OXR1: variants seen among roughly 807,000 people sequenced by gnomAD.
The protein encoded by OXR1 is oxidation resistance protein 1.
Under a neutral mutation model 104.6 loss-of-function variants are expected in OXR1, and 41 were observed. The ratio of observed to expected loss-of-function variants is 0.39; its 90% CI spans 0.31 to 0.51. The LOEUF (loss-of-function observed/expected upper bound fraction) is 0.51, where lower values mean the gene tolerates loss of function less well. OXR1 is among the 20% of genes least tolerant of loss of function. The pLI, the probability that OXR1 is intolerant of heterozygous loss-of-function variation, is 0.77. For synonymous variants in OXR1, 348 were observed against 348.4 expected (o/e 1.00, Z 0.01); for missense variants, 955 against 1,031.9 (o/e 0.93, Z 1.02).
rs928811539 is a variant in OXR1 at position 106,703,190 on chromosome 8, C to G, written c.860+100C>G. 9.8e-6 allele frequency: 7 copies of G among 711,312 alleles called. No individual in the cohort carries two copies. In the East Asian group the frequency reaches 1.6e-4, roughly 16 times the overall value. 44.1% of individuals were successfully genotyped at this position (711,312 alleles called of 1,614,324 possible). A position where few individuals can be genotyped will look rare whatever the true frequency, so the allele number is the denominator to read the frequency against. ...TTTTTACTAGTTTTCTTATAGCTGC[C>G]TTTTATTTTGTCAATAATGAAACGA... On this transcript the variant is annotated intron_variant, in intron 8 of 16. Coordinates refer to ENST00000517566, the MANE Select transcript of OXR1 (RefSeq NM_001198533.2).
intron 2 of OXR1, among the ~76,000 whole-genome samples, chr8:106,464,566 C>T (rs1821077667): frequency 6.6e-6 from 1 of 151,808 alleles, no homozygotes; most frequent in Admixed American, 6.6e-5. Context: ...TTCGACGTGA[C>T]AAATGTCAGC....
intron 1 of OXR1, among the ~76,000 whole-genome samples, chr8:106,276,698 G>T (rs1159783501): frequency 1.5e-5 from 2 of 134,762 alleles, no homozygotes; most frequent in African/African-American, 5.6e-5. Flanking sequence ...AAATGCTCAA[G>T]AACCGATATT....
chr8:106,321,167 G>A (rs571797411), intron 1 of OXR1, among the ~76,000 whole-genome samples: 9 of 152,296 alleles, frequency 5.9e-5, no homozygotes, highest in African/African-American at 1.9e-4. Context: ...TAGGTAATAT[G>A]AAAAGTAATT....
intron 2 of OXR1, among the ~76,000 whole-genome samples, chr8:106,471,697 A>G (rs1821500475): frequency 1.3e-5 from 2 of 151,830 alleles, no homozygotes; most frequent in Admixed American, 6.6e-5. Context: ...TAAAGTAATA[A>G]GAGATTTTTT....
At chr8:106,743,893 T>A (rs1470146153) in intron 15 of OXR1, among the ~76,000 whole-genome samples, 2 of 152,182 alleles carry the variant, frequency 1.3e-5, no homozygotes, top group African/African-American at 2.4e-5. Flanking sequence ...ATGTGGTACA[T>A]ATACACCATG....
At chr8:106,296,111 T>A (rs1586486711) in intron 1 of OXR1, among the ~76,000 whole-genome samples, 1 of 152,306 alleles carries the variant, frequency 6.6e-6, no homozygotes, top group East Asian at 1.9e-4. Flanking sequence ...GCCAGTGTTG[T>A]TTGAAGTCTC....
At chr8:106,380,043 T>C (rs1041943041) in intron 2 of OXR1, among the ~76,000 whole-genome samples, 1 of 152,134 alleles carries the variant, frequency 6.6e-6, no homozygotes, top group African/African-American at 2.4e-5. Context: ...AATTTTAAAA[T>C]ATTTTCATCA....
intron 2 of OXR1, chr8:106,447,983 T>G: frequency 6.5e-7 from 1 of 1,534,410 alleles, no homozygotes; most frequent in Non-Finnish European, 8.7e-7. Flanking sequence ...CCGCCCCGGC[T>G]CCCACACAGC....
At chr8:106,701,974 T>C (rs909620545) in intron 7 of OXR1, among the ~76,000 whole-genome samples, 10 of 152,192 alleles carry the variant, frequency 6.6e-5, no homozygotes, top group Non-Finnish European at 1.5e-4. Context: ...TTTATTTATT[T>C]GTTTTATTTT....
intron 3 of OXR1, among the ~76,000 whole-genome samples, chr8:106,566,137 A>G (rs1817054772): frequency 6.6e-6 from 1 of 152,230 alleles, no homozygotes; most frequent in Non-Finnish European, 1.5e-5. Flanking sequence ...ATCTAATTAA[A>G]CTAAAGAGCT....
intron 3 of OXR1, among the ~76,000 whole-genome samples, chr8:106,604,464 T>C (rs2130768087): frequency 6.6e-6 from 1 of 152,320 alleles, no homozygotes; most frequent in East Asian, 1.9e-4. Flanking sequence ...GTATTATTGA[T>C]ATCCTCCAAA....
Position 106,684,324 on chromosome 8 carries a change from C to G in OXR1, c.490C>G (p.Pro164Ala), listed in dbSNP as rs1828478303. 6.2e-7 allele frequency: 1 copy of G among 1,602,064 alleles called. No individual in the cohort carries two copies. The highest frequency in any genetic ancestry group is 8.6e-7 in the Non-Finnish European group (1 of 1,169,190). The change falls in exon 6 of 17, where the codon CCA becomes GCA. Residue 164 changes from proline (P) to alanine (A), a missense_variant. By Grantham distance (27) the Pro-to-Ala change is conservative. Coordinates refer to ENST00000517566, the MANE Select transcript of OXR1 (RefSeq NM_001198533.2). ...TCTAAGCCCCGTAAGTCCTCTGTCA[C>G]CAACATCATCTGAGGCTGAATTTGA... ...PSLSPVSPLS[P>A]TSSEAEFDKT...
At chr8:106,645,210 T>TG (rs1173326535) in intron 3 of OXR1, among the ~76,000 whole-genome samples, 4 of 152,202 alleles carry the variant, frequency 2.6e-5, no homozygotes, top group Non-Finnish European at 5.9e-5. Flanking sequence ...TTGATGTCTC[T>TG]GTATATTTAA....
chr8:106,451,741 T>C (rs1189722727), intron 2 of OXR1, among the ~76,000 whole-genome samples: 1 of 152,256 alleles, frequency 6.6e-6, no homozygotes, highest in South Asian at 2.1e-4. Flanking sequence ...GTATTCTGCA[T>C]ATATTTCCAA....
At chr8:106,555,825 AACAG>A (rs1157523246) in intron 3 of OXR1, among the ~76,000 whole-genome samples, 5 of 150,896 alleles carry the variant, frequency 3.3e-5, no homozygotes, top group South Asian at 2.1e-4. Context: ...TAAACAGATG[AACAG>A]ACAAATTATA....
chr8:106,432,364 G>C (rs946166863), intron 2 of OXR1, among the ~76,000 whole-genome samples: 1 of 152,120 alleles, frequency 6.6e-6, no homozygotes, highest in Non-Finnish European at 1.5e-5. Flanking sequence ...TCAAGGCCCT[G>C]TTTCATCCAA....
At chr8:106,374,821 G>A (rs1018873440) in intron 2 of OXR1, among the ~76,000 whole-genome samples, 2 of 152,164 alleles carry the variant, frequency 1.3e-5, no homozygotes, top group Non-Finnish European at 1.5e-5. Flanking sequence ...AGAAGGCTGA[G>A]GTTCTAAGAT....
chr8:106,695,592 A>AT (rs1464258290), intron 7 of OXR1, among the ~76,000 whole-genome samples: 1 of 151,230 alleles, frequency 6.6e-6, no homozygotes, highest in Non-Finnish European at 1.5e-5. Context: ...TAATTTTTGT[A>AT]TTTTTTTAGT....
intron 1 of OXR1, among the ~76,000 whole-genome samples, chr8:106,357,766 T>C (rs1816038211): frequency 1.3e-5 from 2 of 152,166 alleles, no homozygotes; most frequent in Non-Finnish European, 2.9e-5. Flanking sequence ...ATTATAAATA[T>C]AAAATGTAAA....
Sources: gnomAD v4.1 joint callset for allele counts (sites outside exome capture counted in the v4.1 genomes callset) on GRCh38, gnomAD v4.1.1 for gene constraint, MANE v1.5 for transcripts, NCBI Gene and HGNC (gene_info 2026-07-23, HGNC 2026-07-21) for gene names.